The following GRIA1 variants were observed in gnomAD, a reference collection of about 807,000 sequenced individuals.
The protein encoded by GRIA1 is glutamate ionotropic receptor AMPA type subunit 1, also known as glutamate receptor 1.
A neutral mutation model predicts 99.2 loss-of-function variants in GRIA1; 31 were observed. That is an observed-to-expected ratio of 0.31 (90% CI 0.23 to 0.42). The LOEUF (loss-of-function observed/expected upper bound fraction) is 0.42, where lower values mean the gene tolerates loss of function less well. Ranked by LOEUF, GRIA1 falls within the 10% of genes least tolerant of loss-of-function variation. The pLI is 1.00. For missense variants in GRIA1, 782 were observed against 1,157.5 expected (o/e 0.68, Z 4.71); for synonymous variants, 438 against 432.4 (o/e 1.01, Z -0.16).
chr5:153,615,744 T>A (rs962683905), intron 2 of GRIA1, among the ~76,000 whole-genome samples: 1 of 152,172 alleles, frequency 6.6e-6, no homozygotes, highest in Non-Finnish European at 1.5e-5. Flanking sequence ...ATATATTAGG[T>A]CATCTTTATA....
chr5:153,631,499 CT>C (rs894853325), intron 2 of GRIA1, among the ~76,000 whole-genome samples: 3 of 152,120 alleles, frequency 2.0e-5, no homozygotes, highest in Non-Finnish European at 4.4e-5. Context: ...AAAAGAAAGT[CT>C]TTTTTCTGAA....
chr5:153,598,125 A>G (rs897831936), intron 2 of GRIA1, among the ~76,000 whole-genome samples: 2 of 151,916 alleles, frequency 1.3e-5, no homozygotes, highest in African/African-American at 4.8e-5. Context: ...ATGATTATAT[A>G]TAGTGGATAT....
At chr5:153,713,266 C>T (rs1759447405) in intron 11 of GRIA1, among the ~76,000 whole-genome samples, 1 of 152,228 alleles carries the variant, frequency 6.6e-6, no homozygotes. Context: ...GCAAGAGGAA[C>T]TTACCAAGGG....
At chr5:153,618,596 A>C (rs1405254038) in intron 2 of GRIA1, among the ~76,000 whole-genome samples, 2 of 152,224 alleles carry the variant, frequency 1.3e-5, no homozygotes, top group Non-Finnish European at 2.9e-5. Context: ...CGTATGGAGC[A>C]GTCTGGGGAC....
intron 2 of GRIA1, among the ~76,000 whole-genome samples, chr5:153,524,003 A>G (rs572798): frequency 0.35 from 53,949 of 152,086 alleles, 9,963 homozygotes; most frequent in African/African-American, 0.46. Context: ...TGAAATGCTA[A>G]TAGTTGGAAT....
intron 2 of GRIA1, among the ~76,000 whole-genome samples, chr5:153,506,316 G>GGGGTGTGTGTGTGTGTGT (rs1426977118): frequency 1.4e-5 from 2 of 140,326 alleles, no homozygotes; most frequent in African/African-American, 5.4e-5. Flanking sequence ...TGGCAAGAAG[G>GGGGTGTGTGTGTGTGTGT]GTGTGTGTGT....
chr5:153,496,661 G>C (rs190045838), intron 2 of GRIA1, among the ~76,000 whole-genome samples: 1 of 152,160 alleles, frequency 6.6e-6, no homozygotes, highest in East Asian at 1.9e-4. Context: ...CCATTGGTTT[G>C]GGAAAACTTT....
At chr5:153,727,979 A>G (rs1217612524) in intron 11 of GRIA1, among the ~76,000 whole-genome samples, 2 of 151,698 alleles carry the variant, frequency 1.3e-5, no homozygotes, top group South Asian at 2.1e-4. Flanking sequence ...CTGACTTCAA[A>G]CTATACTACA....
intron 10 of GRIA1, among the ~76,000 whole-genome samples, chr5:153,703,773 A>C (rs1279988194): frequency 6.6e-6 from 1 of 152,186 alleles, no homozygotes; most frequent in Non-Finnish European, 1.5e-5. Flanking sequence ...AATGATTTCC[A>C]GTCTATGATC....
chr5:153,758,781 A>T (rs1350853140), intron 11 of GRIA1, among the ~76,000 whole-genome samples: 1 of 152,020 alleles, frequency 6.6e-6, no homozygotes. Flanking sequence ...GCAACAGAAC[A>T]TAGAACAGTC....
chr5:153,654,611 G>A (rs1754804522), intron 4 of GRIA1, among the ~76,000 whole-genome samples: 1 of 152,146 alleles, frequency 6.6e-6, no homozygotes, highest in South Asian at 2.1e-4. Context: ...TTCATTGTGT[G>A]TGCTTGCATT....
At chr5:153,550,312 T>C (rs1217353881) in intron 2 of GRIA1, among the ~76,000 whole-genome samples, 2 of 151,738 alleles carry the variant, frequency 1.3e-5, no homozygotes, top group African/African-American at 4.8e-5. Flanking sequence ...TAGAGAGCTG[T>C]GTCATGAAGG....
At chr5:153,636,670 CT>C (rs1437674046) in intron 2 of GRIA1, among the ~76,000 whole-genome samples, 2 of 152,242 alleles carry the variant, frequency 1.3e-5, no homozygotes, top group African/African-American at 4.8e-5. Flanking sequence ...GAATCTTCTA[CT>C]TAATGGCTAT....
chr5:153,796,569 T>C (rs1243229696), intron 14 of GRIA1, among the ~76,000 whole-genome samples: 1 of 152,186 alleles, frequency 6.6e-6, no homozygotes, highest in Non-Finnish European at 1.5e-5. Context: ...GAGATTTTCT[T>C]GTTGGCTTTA....
intron 2 of GRIA1, among the ~76,000 whole-genome samples, chr5:153,507,737 C>T (rs1755676312): frequency 6.6e-6 from 1 of 152,136 alleles, no homozygotes; most frequent in Non-Finnish European, 1.5e-5. Context: ...GATCATCAAG[C>T]TTCTTGTCTC....
At chr5:153,642,924 TA>T (rs924120111) in intron 2 of GRIA1, among the ~76,000 whole-genome samples, 39 of 152,164 alleles carry the variant, frequency 2.6e-4, no homozygotes, top group African/African-American at 9.2e-4. Context: ...TCTTAACACT[TA>T]AGACTCCAAA....
At chr5:153,701,642 A>AAAAAAAAAAC (rs1758535394) in intron 10 of GRIA1, among the ~76,000 whole-genome samples, 1 of 149,172 alleles carries the variant, frequency 6.7e-6, no homozygotes, top group Non-Finnish European at 1.5e-5. Context: ...AAAAAAAAAA[A>AAAAAAAAAAC]TACTATGTTC....
At chr5:153,582,429 C>G (rs724000) in intron 2 of GRIA1, among the ~76,000 whole-genome samples, 19,277 of 152,106 alleles carry the variant, frequency 0.13, 1,290 homozygotes, top group Middle Eastern at 0.15. Flanking sequence ...GATATTTGAT[C>G]CATTGGTAGC....
At chr5:153,712,120 C>T (rs1267626187) in intron 11 of GRIA1, among the ~76,000 whole-genome samples, 2 of 152,132 alleles carry the variant, frequency 1.3e-5, no homozygotes, top group Non-Finnish European at 2.9e-5. Flanking sequence ...GGCATGATCT[C>T]GGTTCACTGT....
Sources: gnomAD v4.1 joint callset for allele counts (sites outside exome capture counted in the v4.1 genomes callset) on GRCh38, gnomAD v4.1.1 for gene constraint, MANE v1.5 for transcripts, NCBI Gene and HGNC (gene_info 2026-07-23, HGNC 2026-07-21) for gene names.